Variants in PPP3CA observed in about 807,000 individuals in gnomAD.
PPP3CA encodes the protein CAM-PRP catalytic subunit.
A neutral mutation model predicts 66.5 loss-of-function variants in PPP3CA; 14 were observed. The ratio of observed to expected loss-of-function variants is 0.21; its 90% CI spans 0.14 to 0.33. The LOEUF is 0.33. PPP3CA is among the 10% of genes least tolerant of loss of function. The probability of loss-of-function intolerance (pLI) is 1.00; values close to 1 mark genes in which losing one functional copy is unlikely to be tolerated. For synonymous variants in PPP3CA, 232 were observed against 226.2 expected (o/e 1.03, Z -0.23); for missense variants, 317 against 639.5 (o/e 0.50, Z 5.44).
At chr4:101,026,413 C>G (rs1344796553) in intron 13 of PPP3CA, among the ~76,000 whole-genome samples, 1 of 152,150 alleles carries the variant, frequency 6.6e-6, no homozygotes, top group South Asian at 2.1e-4. Context: ...ATCAACTGGC[C>G]ACATCATAAG....
At chr4:101,116,040 G>A (rs1721828388) in intron 2 of PPP3CA, among the ~76,000 whole-genome samples, 1 of 151,958 alleles carries the variant, frequency 6.6e-6, no homozygotes. Context: ...CGATTTAGAA[G>A]TCAAGTGCTC....
chr4:101,238,474 T>A (rs1726197358), intron 1 of PPP3CA, among the ~76,000 whole-genome samples: 1 of 151,842 alleles, frequency 6.6e-6, no homozygotes, highest in Non-Finnish European at 1.5e-5. Flanking sequence ...ATTATCTTCA[T>A]CATACAAAGC....
rs3078022 is a variant in PPP3CA at position 101,298,339 on chromosome 4, G to GATATATATAT, written c.58+48390_58+48399dup. On this transcript the variant is annotated intron_variant, in intron 1 of 13. Transcript: ENST00000394854. ...TAACAATACCTATACCAAGCAGGGA[G>GATATATATAT]ATATATATATATATATATATATTAC... is the stretch of plus-strand genomic sequence containing the variant. 4.6e-3 allele frequency among the ~76,000 whole-genome samples: 664 copies of GATATATATAT among 143,790 alleles called. 4 individuals are homozygous for GATATATATAT. The highest frequency in any genetic ancestry group is 0.016 in the African/African-American group (623 of 39,254). The allele number at this position is 143,790 out of a possible 152,430, so 94.3% of individuals were successfully genotyped here. A position where few individuals can be genotyped will look rare whatever the true frequency, so the allele number is the denominator to read the frequency against.
chr4:101,026,170 T>C, intron 13 of PPP3CA, 109 bp from the exon 14 acceptor site: 1 of 898,948 alleles, frequency 1.1e-6, no homozygotes, highest in Non-Finnish European at 1.7e-6. Flanking sequence ...GAGGGAATCC[T>C]TCAGTGAAGA....
chr4:101,173,654 T>C (rs546445808), intron 2 of PPP3CA, among the ~76,000 whole-genome samples: 53 of 152,234 alleles, frequency 3.5e-4, no homozygotes, highest in African/African-American at 1.1e-3. Context: ...ATGTCTTCCA[T>C]CCAAATAATT....
chr4:101,197,637 A>G (rs952967860), intron 1 of PPP3CA, among the ~76,000 whole-genome samples: 6 of 152,228 alleles, frequency 3.9e-5, no homozygotes, highest in Admixed American at 1.3e-4. Context: ...AGTAGCTAAT[A>G]TTTATAGAGT....
At position 101,202,588 on chromosome 4, in the gene PPP3CA, A is replaced by ATATTTACTAGGG. The variant is rs541193320; in HGVS notation, c.59-6484_59-6473dup. Among the ~76,000 whole-genome samples the ATATTTACTAGGG allele has an allele frequency of 8.0e-3, 1,215 of 152,310 alleles. 15 individuals carry two copies. Among genetic ancestry groups the ATATTTACTAGGG allele is most frequent in the African/African-American group, 0.028 (1,167 of 41,544 alleles). On this transcript the variant is annotated intron_variant, in intron 1 of 13. Transcript: ENST00000394854. Reference sequence around the variant, plus strand: ...GCTAGCCCCTAAGAACTGTAAGAACATATTTACTAGGGTTCTACTTACGCT... The same window carrying ATATTTACTAGGG: ...GCTAGCCCCTAAGAACTGTAAGAACATATTTACTAGGGTATTTACTAGGGTTCTACTTACGCT...
At chr4:101,303,709 G>A (rs1728450118) in intron 1 of PPP3CA, among the ~76,000 whole-genome samples, 1 of 152,120 alleles carries the variant, frequency 6.6e-6, no homozygotes, top group Admixed American at 6.5e-5. Flanking sequence ...TCCCAGAAGT[G>A]GGATAGGATC....
intron 2 of PPP3CA, among the ~76,000 whole-genome samples, chr4:101,170,703 A>T (rs1723849680): frequency 6.6e-6 from 1 of 152,174 alleles, no homozygotes; most frequent in Non-Finnish European, 1.5e-5. Flanking sequence ...GATTTTACTA[A>T]GAAAAGTAAC....
intron 1 of PPP3CA, among the ~76,000 whole-genome samples, chr4:101,339,106 A>G (rs1045021824): frequency 2.6e-5 from 4 of 152,214 alleles, no homozygotes; most frequent in Non-Finnish European, 4.4e-5. Context: ...ATGGCATCCA[A>G]TGACATTTTG....
chr4:101,328,905 C>CT (rs1729286150), intron 1 of PPP3CA, among the ~76,000 whole-genome samples: 3 of 152,170 alleles, frequency 2.0e-5, no homozygotes, highest in Admixed American at 6.6e-5. Flanking sequence ...GCTGACCAGT[C>CT]ATTTACCCAT....
chr4:101,221,644 CA>C (rs1725628751), intron 1 of PPP3CA, among the ~76,000 whole-genome samples: 1 of 151,434 alleles, frequency 6.6e-6, no homozygotes, highest in African/African-American at 2.4e-5. Flanking sequence ...TGAAAAACCA[CA>C]TAAAAAATTC....
chr4:101,138,829 T>A (rs1470110503), intron 2 of PPP3CA, among the ~76,000 whole-genome samples: 1 of 152,202 alleles, frequency 6.6e-6, no homozygotes, highest in Non-Finnish European at 1.5e-5. Flanking sequence ...AACTTATGAC[T>A]ATGATACTAC....
At chr4:101,053,054 C>A (rs942054427) in intron 10 of PPP3CA, among the ~76,000 whole-genome samples, 6 of 151,914 alleles carry the variant, frequency 3.9e-5, no homozygotes, top group African/African-American at 1.5e-4. Context: ...AGGCAGGGAC[C>A]ATATGTGTTC....
chr4:101,130,016 G>A (rs1265541455), intron 2 of PPP3CA, among the ~76,000 whole-genome samples: 1 of 152,022 alleles, frequency 6.6e-6, no homozygotes, highest in Non-Finnish European at 1.5e-5. Flanking sequence ...AAGGTTAGAG[G>A]AATTGCTAAC....
At chr4:101,309,626 T>C (rs1260103735) in intron 1 of PPP3CA, among the ~76,000 whole-genome samples, 1 of 152,096 alleles carries the variant, frequency 6.6e-6, no homozygotes, top group Non-Finnish European at 1.5e-5. Flanking sequence ...ATAAAGCAGC[T>C]AAACAGAAAA....
intron 2 of PPP3CA, among the ~76,000 whole-genome samples, chr4:101,120,010 G>C (rs1248219547): frequency 6.6e-6 from 1 of 151,964 alleles, no homozygotes; most frequent in African/African-American, 2.4e-5. Flanking sequence ...ATATTGTTCA[G>C]ACATATTTGA....
chr4:101,276,257 A>G (rs1339416218), intron 1 of PPP3CA, among the ~76,000 whole-genome samples: 1 of 152,106 alleles, frequency 6.6e-6, no homozygotes, highest in Non-Finnish European at 1.5e-5. Context: ...AGGAAACAAA[A>G]AACACCTTTA....
chr4:101,179,036 TTTC>T (rs1393737328), intron 2 of PPP3CA, among the ~76,000 whole-genome samples: 1 of 152,130 alleles, frequency 6.6e-6, no homozygotes, highest in Non-Finnish European at 1.5e-5. Flanking sequence ...AAATCAACTG[TTTC>T]TTGTTATCAC....
Sources: gnomAD v4.1 joint callset for allele counts (sites outside exome capture counted in the v4.1 genomes callset) on GRCh38, gnomAD v4.1.1 for gene constraint, MANE v1.5 for transcripts, NCBI Gene and HGNC (gene_info 2026-07-23, HGNC 2026-07-21) for gene names.